PIGG: variants seen among roughly 807,000 people sequenced by gnomAD.
PIGG encodes the protein phosphatidylinositol glycan anchor biosynthesis class G (EMM blood group).
Under a neutral mutation model 83.2 loss-of-function variants are expected in PIGG, and 70 were observed. The ratio of observed to expected loss-of-function variants is 0.84; its 90% CI spans 0.69 to 1.03. The LOEUF (loss-of-function observed/expected upper bound fraction) is 1.03. PIGG is among the 50% of genes least tolerant of loss of function. The pLI, the probability that PIGG is intolerant of heterozygous loss-of-function variation, is 0.00. For synonymous variants in PIGG, 532 were observed against 519.5 expected (o/e 1.02, Z -0.33); for missense variants, 1,257 against 1,233.6 (o/e 1.02, Z -0.28).
chr4:526,923 T>C, intron 9 of PIGG, 116 bp from the exon 10 acceptor site: 1 of 1,113,026 alleles, frequency 9.0e-7, no homozygotes, highest in Non-Finnish European at 1.3e-6. Context: ...TCATGTAATC[T>C]TTGGTTTTTG....
chr4:522,189 G>T (rs1726164930), intron 8 of PIGG: 1 of 603,026 alleles, frequency 1.7e-6, no homozygotes, highest in Non-Finnish European at 3.0e-6. Context: ...GGAAAGCTAG[G>T]TTCCTGCGAC....
intron 5 of PIGG, among the ~76,000 whole-genome samples, chr4:509,478 C>A (rs372760502): frequency 1.3e-5 from 2 of 152,224 alleles, no homozygotes; most frequent in Non-Finnish European, 2.9e-5. Context: ...GCACTCTGCC[C>A]TCGCGGCCGC....
chr4:514,186 C>T (rs1723126588), intron 5 of PIGG, among the ~76,000 whole-genome samples: 1 of 152,196 alleles, frequency 6.6e-6, no homozygotes, highest in African/African-American at 2.4e-5. Context: ...CATCCGTGCC[C>T]ACACTCATTT....
At chr4:506,803 CCTT>C (rs1295402701) in intron 3 of PIGG, 5 of 456,028 alleles carry the variant, frequency 1.1e-5, no homozygotes, top group African/African-American at 1.0e-4. Flanking sequence ...TTCAGAACAG[CCTT>C]CTTGTAGGAC....
At chr4:514,572 TCAGAGCTAC>T (rs1240081260) in intron 5 of PIGG, among the ~76,000 whole-genome samples, 4 of 152,208 alleles carry the variant, frequency 2.6e-5, no homozygotes, top group African/African-American at 9.6e-5. Context: ...GATCACTGTC[TCAGAGCTAC>T]CAGTGCTAGC....
chr4:512,620 G>A (rs181345675), intron 5 of PIGG, among the ~76,000 whole-genome samples: 2 of 151,992 alleles, frequency 1.3e-5, no homozygotes, highest in Admixed American at 6.5e-5. Context: ...TTCGAGACCA[G>A]CCTGACCAAC....
In PIGG at chr4:507,482, G is replaced by A; in HGVS notation, c.648G>A (p.Leu216=). ...GGGACATATTAATCCTCCACTACCTGGGGCTGGACCACATTGGCCACATTT... is the reference window on the plus strand; with the variant it reads ...GGGACATATTAATCCTCCACTACCTAGGGCTGGACCACATTGGCCACATTT... ...GDWDILILHY[L]GLDHIGHISG... Residue 216 remains leucine (L), a synonymous_variant, in exon 4 of 13, where the codon CTG becomes CTA. Coordinates refer to ENST00000453061, the MANE Select transcript of PIGG (RefSeq NM_001127178.3). 6.2e-7 allele frequency: 1 copy of A among 1,613,940 alleles called. No individual in the cohort carries two copies. Among genetic ancestry groups the A allele is most frequent in the South Asian group, 1.1e-5 (1 of 91,068 alleles).
At position 505,721 on chromosome 4, in the gene PIGG, T is replaced by A. The variant is rs1553878547; in HGVS notation, c.364T>A (p.Leu122Met). ...PTVTMPRIKA[L>M]MTGSLPGFVD... ...TTCTTGCATTTTCTGACTGCAGGCA[T>A]TGATGACGGGGAGCCTTCCTGGCTT... Residue 122 changes from leucine (L) to methionine (M), a missense_variant, in exon 3 of 13, where the codon TTG becomes ATG. Leu to Met is a conservative substitution (Grantham distance 15). Coordinates refer to ENST00000453061, the MANE Select transcript of PIGG (RefSeq NM_001127178.3). 1 of 1,612,818 alleles carries A rather than the reference T, an allele frequency of 6.2e-7. No individual in the cohort carries two copies. Among genetic ancestry groups the A allele is most frequent in the Admixed American group, 1.7e-5 (1 of 59,926 alleles).
At chr4:521,511 G>A in intron 7 of PIGG, 149 bp from the exon 8 acceptor site, 1 of 784,730 alleles carries the variant, frequency 1.3e-6, no homozygotes, top group Non-Finnish European at 2.0e-6. Context: ...ATGCATTTTG[G>A]GGCAGTTAAT....
intron 1 of PIGG, 84 bp downstream of exon 1, chr4:499,573 T>C: frequency 1.4e-6 from 2 of 1,459,762 alleles, no homozygotes; most frequent in Non-Finnish European, 1.8e-6. Flanking sequence ...TGCTCGGATT[T>C]CTTCTCGGCG....
At chr4:517,018 G>A (rs1724128107) in intron 6 of PIGG, among the ~76,000 whole-genome samples, 1 of 152,134 alleles carries the variant, frequency 6.6e-6, no homozygotes. Context: ...CACATTCAGG[G>A]GATGGTCAGA....
At chr4:529,268 T>C (rs1728457450) in intron 10 of PIGG, among the ~76,000 whole-genome samples, 1 of 152,208 alleles carries the variant, frequency 6.6e-6, no homozygotes, top group Non-Finnish European at 1.5e-5. Flanking sequence ...CTTTGCTGAT[T>C]TCTCCCTTCT....
intron 10 of PIGG, among the ~76,000 whole-genome samples, chr4:529,621 C>T (rs1353267285): frequency 1.3e-5 from 2 of 152,150 alleles, no homozygotes; most frequent in East Asian, 1.9e-4. Flanking sequence ...TAGGAACATA[C>T]GTGTTTTGTA....
intron 9 of PIGG, chr4:525,965 A>C (rs1254328143): frequency 2.0e-5 from 3 of 152,192 alleles, no homozygotes; most frequent in African/African-American, 7.2e-5. Flanking sequence ...TAGCACTTTG[A>C]CACCTTGTTT....
intron 10 of PIGG, chr4:527,840 T>A: frequency 1.0e-6 from 1 of 985,448 alleles, no homozygotes; most frequent in Non-Finnish European, 1.2e-6. Flanking sequence ...AGGAGTGGGA[T>A]GAGCAGAGGC....
chr4:522,340 CAGG>C, intron 8 of PIGG: 1 of 404,866 alleles, frequency 2.5e-6, no homozygotes, highest in Admixed American at 3.8e-5. Flanking sequence ...CCTGGACACT[CAGG>C]AGGGTCAAAA....
rs1364946513 is a variant in PIGG at position 499,234 on chromosome 4, G to A, written c.-102G>A. The A allele has an allele frequency of 1.6e-6, 2 of 1,284,604 alleles. No homozygotes were observed. The highest frequency in any genetic ancestry group is 2.2e-6 in the Non-Finnish European group (2 of 924,744). 79.6% of individuals were successfully genotyped at this position (1,284,604 alleles called of 1,614,324 possible). On this transcript the variant is annotated 5_prime_UTR_variant, in exon 1 of 13. Coordinates refer to ENST00000453061, the MANE Select transcript of PIGG (RefSeq NM_001127178.3). ...CACTGTCGCTGCGACGATAAGGCCTGGCGTTATTGCTTAGAGGCGGCTACC... is the reference window on the plus strand; with the variant it reads ...CACTGTCGCTGCGACGATAAGGCCTAGCGTTATTGCTTAGAGGCGGCTACC...
chr4:515,900 G>C lies in PIGG; in HGVS notation c.902-73G>C. ...CATTTGGCTCATGTTAGTTGTAGAA[G>C]GTCTAATTCAAGAATGAGTACCATC... On this transcript the variant is annotated intron_variant, in intron 5 of 12. Coordinates refer to ENST00000453061, the MANE Select transcript of PIGG (RefSeq NM_001127178.3). This position sits in a 1 kb window ranked among gnomAD's most constrained non-coding sequence, Gnocchi z 4.2. 8.7e-7 allele frequency: 1 copy of C among 1,152,394 alleles called. No individual in the cohort carries two copies. Among genetic ancestry groups the C allele is most frequent in the East Asian group, 2.3e-5 (1 of 42,676 alleles). 71.4% of individuals were successfully genotyped at this position (1,152,394 alleles called of 1,614,324 possible).
Position 539,106 on chromosome 4 carries a change from A to G in PIGG, c.2736-47A>G, listed in dbSNP as rs752668836. 5 of 1,186,160 alleles carry G rather than the reference A, an allele frequency of 4.2e-6. No homozygotes were observed. The South Asian group carries it at 4.9e-5, about 12-fold the overall frequency. 73.5% of individuals were successfully genotyped at this position (1,186,160 alleles called of 1,614,324 possible). A position where few individuals can be genotyped will look rare whatever the true frequency, so the allele number is the denominator to read the frequency against. ...AAATAAAAGTGTTGTTACATGTGTG[A>G]TATGTAAGTGGCATGTGCTAATACA... On this transcript the variant is annotated intron_variant, in intron 12 of 12. Coordinates refer to ENST00000453061, the MANE Select transcript of PIGG (RefSeq NM_001127178.3).
Sources: gnomAD v4.1 joint callset for allele counts (sites outside exome capture counted in the v4.1 genomes callset) on GRCh38, gnomAD v4.1.1 for gene constraint, Gnocchi (gnomAD v3.1) non-coding constraint, MANE v1.5 for transcripts, NCBI Gene and HGNC (gene_info 2026-07-23, HGNC 2026-07-21) for gene names.